Variants in DIP2C observed in about 807,000 individuals in gnomAD.
DIP2C encodes DIP2 acetate--CoA ligase C (putative), also known as disco-interacting protein 2 homolog C.
DIP2C carries 33 observed loss-of-function variants against 192.4 expected under a neutral mutation model. That is an observed-to-expected ratio of 0.17 (90% CI 0.13 to 0.23). The LOEUF (loss-of-function observed/expected upper bound fraction) is 0.23, where lower values mean the gene tolerates loss of function less well. DIP2C is among the 10% of genes least tolerant of loss of function. The pLI is 1.00. For synonymous variants in DIP2C, 979 were observed against 864.1 expected (o/e 1.13, Z -2.33); for missense variants, 1,537 against 2,110.1 (o/e 0.73, Z 5.32).
At chr10:499,533 C>A (rs969177539) in intron 1 of DIP2C, among the ~76,000 whole-genome samples, 1 of 152,110 alleles carries the variant, frequency 6.6e-6, no homozygotes, top group Admixed American at 6.5e-5. Flanking sequence ...GGGAGGTGTG[C>A]GAGGGGGAGG....
At chr10:296,087 G>A (rs978650659) in intron 32 of DIP2C, among the ~76,000 whole-genome samples, 1 of 152,148 alleles carries the variant, frequency 6.6e-6, no homozygotes, top group Non-Finnish European at 1.5e-5. Flanking sequence ...TTGCTCTGAT[G>A]GTAGTTTCTT....
intron 32 of DIP2C, among the ~76,000 whole-genome samples, chr10:302,185 TG>T (rs1956085371): frequency 6.6e-6 from 1 of 152,158 alleles, no homozygotes; most frequent in South Asian, 2.1e-4. Flanking sequence ...ATCAGATAAT[TG>T]TACTGAGACT....
intron 1 of DIP2C, among the ~76,000 whole-genome samples, chr10:610,181 T>G (rs1478097681): frequency 6.6e-6 from 1 of 152,134 alleles, no homozygotes; most frequent in Non-Finnish European, 1.5e-5. Context: ...AGCATGGAGC[T>G]GGAGGACATT....
chr10:362,138 G>C (rs1481776365), intron 22 of DIP2C, among the ~76,000 whole-genome samples: 1 of 152,136 alleles, frequency 6.6e-6, no homozygotes, highest in African/African-American at 2.4e-5. Context: ...AAGTAGGTCA[G>C]AAATGAAAGA....
At chr10:577,978 T>A (rs1243236497) in intron 1 of DIP2C, among the ~76,000 whole-genome samples, 1 of 152,174 alleles carries the variant, frequency 6.6e-6, no homozygotes, top group African/African-American at 2.4e-5. Context: ...CAATCCTCCA[T>A]CAAGGGTGAA....
At chr10:368,490 C>A (rs1216354882) in intron 18 of DIP2C, among the ~76,000 whole-genome samples, 1 of 152,186 alleles carries the variant, frequency 6.6e-6, no homozygotes, top group Admixed American at 6.5e-5. Context: ...TGCTGGAGGG[C>A]GTCCGCAGGG....
intron 1 of DIP2C, among the ~76,000 whole-genome samples, chr10:571,089 G>A (rs1486250819): frequency 6.6e-6 from 1 of 152,226 alleles, no homozygotes; most frequent in Admixed American, 6.5e-5. Flanking sequence ...AGGATCTGAA[G>A]CTGGCCGACT....
chr10:654,647 T>C (rs1290782287), intron 1 of DIP2C, among the ~76,000 whole-genome samples: 1 of 152,130 alleles, frequency 6.6e-6, no homozygotes, highest in African/African-American at 2.4e-5. Flanking sequence ...CAGGAAGTAA[T>C]GAGTGCCTTA....
intron 1 of DIP2C, among the ~76,000 whole-genome samples, chr10:502,873 A>G (rs1159030644): frequency 2.6e-5 from 4 of 152,168 alleles, no homozygotes; most frequent in African/African-American, 9.6e-5. Flanking sequence ...AACACAGTCA[A>G]GACACCAATT....
intron 1 of DIP2C, among the ~76,000 whole-genome samples, chr10:537,957 T>C (rs1847784469): frequency 6.6e-6 from 1 of 151,918 alleles, no homozygotes; most frequent in African/African-American, 2.4e-5. Context: ...GCCTGGCTAT[T>C]TTTTGTATTT....
chr10:349,266 G>A (rs1460678437), intron 25 of DIP2C, 65 bp downstream of exon 25: 3 of 1,563,912 alleles, frequency 1.9e-6, no homozygotes, highest in Non-Finnish European at 2.6e-6. Context: ...GGGTGTAAGG[G>A]ACCTCCTCGC....
intron 1 of DIP2C, among the ~76,000 whole-genome samples, chr10:507,746 C>G: frequency 6.6e-6 from 1 of 152,238 alleles, no homozygotes; most frequent in Middle Eastern, 3.4e-3. Context: ...GATTGAAGAT[C>G]GAAGGTTAGA....
At chr10:456,234 G>A in intron 3 of DIP2C, among the ~76,000 whole-genome samples, 1 of 124,954 alleles carries the variant, frequency 8.0e-6, no homozygotes, top group Non-Finnish European at 1.7e-5. Flanking sequence ...TGCCTGAGGG[G>A]AGGCCGTGAG....
At chr10:492,755 T>C (rs1844535470) in intron 1 of DIP2C, among the ~76,000 whole-genome samples, 1 of 152,182 alleles carries the variant, frequency 6.6e-6, no homozygotes, top group South Asian at 2.1e-4. Context: ...TAAATTTGTA[T>C]TGTCCCCTGT....
chr10:387,019 T>C (rs1312043961), intron 14 of DIP2C, among the ~76,000 whole-genome samples: 1 of 152,170 alleles, frequency 6.6e-6, no homozygotes, highest in Non-Finnish European at 1.5e-5. Context: ...ACTGCCATCC[T>C]CAAGGGCAAA....
chr10:601,665 C>T (rs191637015), intron 1 of DIP2C, among the ~76,000 whole-genome samples: 7 of 152,338 alleles, frequency 4.6e-5, no homozygotes, highest in African/African-American at 1.7e-4. Flanking sequence ...CAGAACTGCA[C>T]CACGAAGGAC....
intron 1 of DIP2C, among the ~76,000 whole-genome samples, chr10:507,056 G>A (rs1308657955): frequency 2.6e-5 from 4 of 151,392 alleles, no homozygotes; most frequent in East Asian, 2.0e-4. Context: ...CATTGTGCAC[G>A]ATAAGAGGTG....
intron 1 of DIP2C, among the ~76,000 whole-genome samples, chr10:593,225 C>CG (rs1851503380): frequency 6.6e-6 from 1 of 152,110 alleles, no homozygotes; most frequent in Non-Finnish European, 1.5e-5. Context: ...AACATCCCCC[C>CG]GGGGTGGTCT....
chr10:360,532 G>A (rs373210566), intron 22 of DIP2C, among the ~76,000 whole-genome samples: 23 of 152,240 alleles, frequency 1.5e-4, no homozygotes, highest in African/African-American at 4.8e-4. Flanking sequence ...GGCACAGGGC[G>A]GGAGTTTTAT....
Sources: allele counts gnomAD v4.1 joint callset (sites outside exome capture counted in the v4.1 genomes callset), GRCh38; gene constraint gnomAD v4.1.1; transcripts MANE v1.5; gene names NCBI Gene and HGNC (gene_info 2026-07-23, HGNC 2026-07-21).